The following NRG1 variants were observed in gnomAD, a reference collection of about 807,000 sequenced individuals.
NRG1 encodes the protein neuregulin 1.
Under a neutral mutation model 63.8 loss-of-function variants are expected in NRG1, and 18 were observed. That is an observed-to-expected ratio of 0.28 (90% CI 0.19 to 0.42). NRG1 has a LOEUF of 0.42. NRG1 is among the 10% of genes least tolerant of loss of function. The pLI is 1.00. For missense variants in NRG1, 762 were observed against 814.7 expected (o/e 0.94, Z 0.79); for synonymous variants, 302 against 301.3 (o/e 1.00, Z -0.02).
chr8:31,917,422 A>G (rs1341698876), intron 1 of NRG1, among the ~76,000 whole-genome samples: 1 of 150,306 alleles, frequency 6.7e-6, no homozygotes, highest in South Asian at 2.1e-4. Context: ...CTTTCTCCAT[A>G]TGGCTAGCCA....
At chr8:31,725,242 A>T (rs1238087405) in intron 1 of NRG1, among the ~76,000 whole-genome samples, 1 of 152,162 alleles carries the variant, frequency 6.6e-6, no homozygotes, top group Non-Finnish European at 1.5e-5. Context: ...TATGATGCTG[A>T]TGTTGGGATT....
chr8:31,916,925 T>C (rs975752585), intron 1 of NRG1, among the ~76,000 whole-genome samples: 41 of 152,034 alleles, frequency 2.7e-4, no homozygotes, highest in Non-Finnish European at 5.7e-4. Context: ...TATCTCATTG[T>C]GGTTTTGATT....
intron 1 of NRG1, among the ~76,000 whole-genome samples, chr8:32,021,203 C>G (rs1476695611): frequency 6.6e-6 from 1 of 152,052 alleles, no homozygotes; most frequent in African/African-American, 2.4e-5. Flanking sequence ...AAAAGAACAC[C>G]TGAGACTGAG....
intron 1 of NRG1, among the ~76,000 whole-genome samples, chr8:31,816,829 A>C (rs1823492475): frequency 6.6e-6 from 1 of 152,166 alleles, no homozygotes; most frequent in Non-Finnish European, 1.5e-5. Flanking sequence ...AAGCCCAGTT[A>C]AGTGTTTCCC....
At chr8:31,833,634 A>C (rs1177517184) in intron 1 of NRG1, among the ~76,000 whole-genome samples, 2 of 152,188 alleles carry the variant, frequency 1.3e-5, no homozygotes, top group African/African-American at 4.8e-5. Context: ...TAAAGTTACC[A>C]TGTAATAATT....
intron 2 of NRG1, 84 bp from the exon 3 acceptor site, chr8:32,605,478 C>G: frequency 6.6e-7 from 1 of 1,523,894 alleles, no homozygotes; most frequent in South Asian, 1.1e-5. Context: ...AGTTTGAGAA[C>G]TCTGAAAGCA....
At chr8:32,003,534 T>A (rs989185980) in intron 1 of NRG1, among the ~76,000 whole-genome samples, 1 of 151,646 alleles carries the variant, frequency 6.6e-6, no homozygotes, top group Non-Finnish European at 1.5e-5. Context: ...ATAGAAATGA[T>A]AGAAAAAGTG....
chr8:32,455,207 C>T (rs376858525), intron 1 of NRG1, among the ~76,000 whole-genome samples: 2 of 152,192 alleles, frequency 1.3e-5, no homozygotes, highest in South Asian at 2.1e-4. Context: ...ACCCATATAG[C>T]ATCATTGGCC....
At chr8:31,922,611 G>T (rs1191434914) in intron 1 of NRG1, among the ~76,000 whole-genome samples, 11 of 152,144 alleles carry the variant, frequency 7.2e-5, no homozygotes, top group Admixed American at 7.2e-4. Flanking sequence ...CTGTGGAAGT[G>T]GTAAGCTGGA....
chr8:32,288,737 G>A (rs1303031096), intron 1 of NRG1, among the ~76,000 whole-genome samples: 1 of 152,156 alleles, frequency 6.6e-6, no homozygotes, highest in African/African-American at 2.4e-5. Context: ...GTCAGCGTGA[G>A]GAAGGGGAGG....
rs906061493 is a variant in NRG1, at chr8:32,311,911, G to T, written c.38-283917G>T. 2.0e-5 allele frequency among the ~76,000 whole-genome samples: 3 copies of T among 152,276 alleles called. No individual in the cohort carries two copies. In the South Asian group the frequency reaches 6.2e-4, roughly 32 times the overall value. On this transcript the variant is annotated intron_variant, in intron 1 of 10. Transcript: ENST00000519301. The stretch of plus-strand genomic sequence containing the variant: ...CTCTTGCTCCATTTTCTACTGGCCT[G>T]TGACCAACTACTTCCTAAAGTTGAA...
intron 1 of NRG1, among the ~76,000 whole-genome samples, chr8:32,436,620 A>T (rs530597630): frequency 6.6e-6 from 1 of 152,264 alleles, no homozygotes; most frequent in Non-Finnish European, 1.5e-5. Flanking sequence ...TTTCTTGGAC[A>T]GAGTTATGCC....
chr8:31,714,682 G>T (rs1025333611), intron 1 of NRG1, among the ~76,000 whole-genome samples: 2 of 152,078 alleles, frequency 1.3e-5, no homozygotes, highest in African/African-American at 4.8e-5. Context: ...ATCTATCCAT[G>T]TATCTATCAA....
chr8:32,261,724 A>G (rs1850400695), intron 1 of NRG1, among the ~76,000 whole-genome samples: 1 of 152,164 alleles, frequency 6.6e-6, no homozygotes, highest in African/African-American at 2.4e-5. Context: ...TACCTTAGGC[A>G]TTCTCATTTC....
chr8:32,763,186 T>C, intron 11 of NRG1: 2 of 1,608,196 alleles, frequency 1.2e-6, no homozygotes, highest in Non-Finnish European at 1.7e-6. Flanking sequence ...CAGGAATAAA[T>C]CTAAGTTACT....
intron 1 of NRG1, among the ~76,000 whole-genome samples, chr8:32,524,455 G>A (rs1004604971): frequency 2.0e-5 from 3 of 151,648 alleles, no homozygotes; most frequent in Non-Finnish European, 4.4e-5. Context: ...TCCTGGGACT[G>A]TATTTTCCTC....
At chr8:32,207,067 G>A (rs926034238) in intron 1 of NRG1, among the ~76,000 whole-genome samples, 2 of 152,034 alleles carry the variant, frequency 1.3e-5, no homozygotes, top group Admixed American at 6.5e-5. Flanking sequence ...AAATATTACT[G>A]TGTTCCTTTT....
chr8:32,054,859 CTTTCTTTTTTTTTTTTTTTTTTTTTTT>C (rs1490827769), intron 1 of NRG1, among the ~76,000 whole-genome samples: 21 of 70,688 alleles, frequency 3.0e-4, no homozygotes, highest in South Asian at 2.6e-3. Context: ...AGATTTCTTT[CTTTCTTTTTTTTTTTTTTTTTTTTTTT>C]TTTTTTTTTT....
intron 1 of NRG1, among the ~76,000 whole-genome samples, chr8:31,671,859 CA>C (rs1807183550): frequency 6.6e-6 from 1 of 151,954 alleles, no homozygotes; most frequent in Admixed American, 6.6e-5. Flanking sequence ...GAACCATTCT[CA>C]ATAGCAGAAA....
Sources: gnomAD v4.1 joint callset for allele counts (sites outside exome capture counted in the v4.1 genomes callset) on GRCh38, gnomAD v4.1.1 for gene constraint, MANE v1.5 for transcripts, NCBI Gene and HGNC (gene_info 2026-07-23, HGNC 2026-07-21) for gene names.